TTC39A: variants seen among roughly 807,000 people sequenced by gnomAD.
TTC39A encodes the protein tetratricopeptide repeat protein 39A.
Under a neutral mutation model 82.3 loss-of-function variants are expected in TTC39A, and 46 were observed. The observed-to-expected ratio is 0.56, with a 90% CI of 0.44 to 0.71. The LOEUF is 0.71. Among genes scored for constraint, TTC39A ranks in the 30% least tolerant of loss-of-function variants. TTC39A has a pLI of 0.00. For synonymous variants in TTC39A, 254 were observed against 275.2 expected, an observed-to-expected ratio of 0.92 and a Z score of 0.76; for missense variants, 543 against 712.9, an observed-to-expected ratio of 0.76 and a Z score of 2.71.
chr1:51,329,815 G>A (rs1329540949), intron 1 of TTC39A: 1 of 152,298 alleles, frequency 6.6e-6, no homozygotes, highest in Non-Finnish European at 1.5e-5. Flanking sequence ...TCTAGGTAGG[G>A]GTCCTATAGG....
At position 51,301,552 on chromosome 1, in the gene TTC39A, A is replaced by G. The variant is rs757091397; in HGVS notation, c.1053+20T>C. The G allele has an allele frequency of 1.9e-6, 3 of 1,584,096 alleles. No homozygotes were observed. Among genetic ancestry groups the G allele is most frequent in the Non-Finnish European group, 2.6e-6 (3 of 1,161,312 alleles). ...TCAGCCCTGGTCACCCAATGCCCCT[A>G]ACACGTGGCATCAGCCCACCTTGGA... On this transcript the variant is annotated intron_variant, in intron 12 of 17. Coordinates refer to ENST00000680483, the MANE Select transcript of TTC39A (RefSeq NM_001297663.2).
chr1:51,309,443 G>A (rs774459524), intron 5 of TTC39A, 118 bp from the exon 6 acceptor site: 1 of 1,549,146 alleles, frequency 6.5e-7, no homozygotes, highest in East Asian at 2.3e-5. Flanking sequence ...GGGGGGATGA[G>A]GTCGGAGGTC....
At chr1:51,289,054 C>T (rs12734773) in intron 16 of TTC39A, 99 bp from the exon 17 acceptor site, 88,319 of 1,068,132 alleles carry the variant, frequency 0.083, 3,687 homozygotes, top group African/African-American at 0.092. Flanking sequence ...GGGAGGTTCC[C>T]ACTACCCAGC....
intron 2 of TTC39A, 22 bp from the exon 3 acceptor site, chr1:51,312,965 GAGAGCACCACCTTAT>G: frequency 6.2e-7 from 1 of 1,611,092 alleles, no homozygotes; most frequent in Non-Finnish European, 8.5e-7. Context: ...AAGAGACGTT[GAGAGCACCACCTTAT>G]AGAGCCCCAG....
chr1:51,342,010 G>A (rs901931579), intron 1 of TTC39A, among the ~76,000 whole-genome samples: 1 of 152,174 alleles, frequency 6.6e-6, no homozygotes, highest in African/African-American at 2.4e-5. Context: ...TTCTTGAGGA[G>A]GCCCCTCCCT....
At chr1:51,323,428 C>T (rs1354155234) in intron 1 of TTC39A, among the ~76,000 whole-genome samples, 2 of 152,128 alleles carry the variant, frequency 1.3e-5, no homozygotes, top group Non-Finnish European at 2.9e-5. Context: ...ATCTCTCAAT[C>T]AACCCCTTCT....
At chr1:51,309,954 C>T (rs917200085) in intron 5 of TTC39A, among the ~76,000 whole-genome samples, 2 of 151,934 alleles carry the variant, frequency 1.3e-5, no homozygotes, top group African/African-American at 2.4e-5. Context: ...TCAAAACCAA[C>T]GGAAATATCA....
chr1:51,341,470 T>C (rs1646036454), intron 1 of TTC39A, among the ~76,000 whole-genome samples: 1 of 152,132 alleles, frequency 6.6e-6, no homozygotes. Flanking sequence ...GAACTGAAGT[T>C]GCAACCCAAA....
intron 15 of TTC39A, 108 bp downstream of exon 15, chr1:51,290,406 G>GA: frequency 1.0e-6 from 1 of 994,832 alleles, no homozygotes; most frequent in Non-Finnish European, 1.5e-6. Flanking sequence ...AGAGATAAAG[G>GA]AGAGTTGCCA....
chr1:51,295,990 C>CTGGCTGGT, intron 13 of TTC39A, 89 bp downstream of exon 13: 1 of 1,442,940 alleles, frequency 6.9e-7, no homozygotes, highest in Non-Finnish European at 9.5e-7. Flanking sequence ...TCCCCAGTGC[C>CTGGCTGGT]CACAGCTCAG....
intron 12 of TTC39A, 97 bp downstream of exon 12, chr1:51,301,475 T>C: frequency 7.0e-7 from 1 of 1,427,874 alleles, no homozygotes; most frequent in South Asian, 1.4e-5. Flanking sequence ...AGATTCCAGC[T>C]GAGACATCTG....
At chr1:51,297,053 C>T (rs1020221829) in intron 12 of TTC39A, among the ~76,000 whole-genome samples, 6 of 152,242 alleles carry the variant, frequency 3.9e-5, no homozygotes, top group African/African-American at 1.4e-4. Flanking sequence ...GAAAAGGCGC[C>T]GGACATCCGG....
chr1:51,292,247 T>C (rs1213493147), intron 14 of TTC39A, among the ~76,000 whole-genome samples: 3 of 152,116 alleles, frequency 2.0e-5, no homozygotes, highest in African/African-American at 7.2e-5. Context: ...ATAGTAACTG[T>C]GTTTGCTTAA....
upstream of TTC39A, among the ~76,000 whole-genome samples, chr1:51,332,126 G>A (rs957654634): frequency 4.6e-5 from 7 of 152,130 alleles, no homozygotes; most frequent in African/African-American, 1.7e-4. Flanking sequence ...TGTAACCGGG[G>A]GTGGATCCAG....
intron 2 of TTC39A, among the ~76,000 whole-genome samples, chr1:51,317,619 G>A (rs1012508039): frequency 2.0e-5 from 3 of 152,106 alleles, no homozygotes; most frequent in African/African-American, 4.8e-5. Context: ...GCCTGGTGGC[G>A]CGCACCTGCA....
chr1:51,343,867 G>A (rs921710671), intron 1 of TTC39A, among the ~76,000 whole-genome samples: 1 of 152,146 alleles, frequency 6.6e-6, no homozygotes, highest in African/African-American at 2.4e-5. Flanking sequence ...CGATCCTCCC[G>A]CTGGGATTAC....
chr1:51,288,264 A>T lies in TTC39A; in HGVS notation c.1627T>A (p.Tyr543Asn). 1 of 1,613,976 alleles carries T rather than the reference A, an allele frequency of 6.2e-7. No individual in the cohort carries two copies. Among genetic ancestry groups the T allele is most frequent in the Non-Finnish European group, 8.5e-7 (1 of 1,179,864 alleles). The change falls in exon 18 of 18, where the codon TAC (tyrosine) becomes AAC (asparagine). Residue 543 changes from tyrosine to asparagine, a missense_variant. Tyr to Asn is a moderately radical substitution (Grantham distance 143, BLOSUM62 -2). Transcript: ENST00000680483. This position sits in a 1 kb window ranked among gnomAD's most constrained non-coding sequence, Gnocchi z 4.8. Reference sequence around the variant, plus strand: ...AAGTGTGTCCTTGACTCCATGGAGTAATTCTTGTAGTTTTGCCTGGAATTG... The same window carrying T: ...AAGTGTGTCCTTGACTCCATGGAGTTATTCTTGTAGTTTTGCCTGGAATTG... The part of the protein sequence containing the change: ...LESAKQNYKN[Y>N]SMESRTHFRI...
At chr1:51,310,047 T>G (rs1279646274) in intron 5 of TTC39A, among the ~76,000 whole-genome samples, 1 of 151,106 alleles carries the variant, frequency 6.6e-6, no homozygotes, top group Non-Finnish European at 1.5e-5. Flanking sequence ...GGCGCATCAC[T>G]TGAGGTCAGG....
At position 51,290,520 on chromosome 1, in the gene TTC39A, CT is replaced by C; in HGVS notation, c.1371del (p.Gly458AlafsTer14). On this transcript the variant is annotated frameshift_variant, in exon 15 of 18. Coordinates refer to ENST00000680483, the MANE Select transcript of TTC39A (RefSeq NM_001297663.2). LOFTEE classifies it high-confidence loss of function. ...AGGGCCTGAGGGAAGTCACCTGGGC[CT>C]TTCTCCAGCATCTCTTCAGCCTTAG... The part of the protein sequence containing the change: ...IITKAEEMLE[K>X]GPENEYSVDD... The C allele has an allele frequency of 1.2e-6, 2 of 1,613,708 alleles. No individual in the cohort carries two copies. The highest frequency in any genetic ancestry group is 1.7e-6 in the Non-Finnish European group (2 of 1,179,748).
Sources: gnomAD v4.1 joint callset for allele counts (sites outside exome capture counted in the v4.1 genomes callset) on GRCh38, gnomAD v4.1.1 for gene constraint, Gnocchi (gnomAD v3.1) non-coding constraint, MANE v1.5 for transcripts, NCBI Gene and HGNC (gene_info 2026-07-23, HGNC 2026-07-21) for gene names.